SORBS3: variants seen among roughly 807,000 people sequenced by gnomAD.
SORBS3 encodes the protein sorbin and SH3 domain containing 3, also known as vinexin.
In SORBS3, 69 loss-of-function variants were observed where a neutral mutation model predicts 98.0. The observed-to-expected ratio is 0.70, with a 90% confidence interval of 0.58 to 0.86. The LOEUF (loss-of-function observed/expected upper bound fraction) is 0.86, where lower values mean the gene tolerates loss of function less well. SORBS3 is among the 40% of genes least tolerant of loss of function. The pLI, the probability that SORBS3 is intolerant of heterozygous loss-of-function variation, is 0.00. For missense variants in SORBS3, 954 were observed against 908.5 expected, an observed-to-expected ratio of 1.05 and a Z score of -0.64; for synonymous variants, 394 against 355.4, an observed-to-expected ratio of 1.11 and a Z score of -1.22.
At position 22,571,111 on chromosome 8, in the gene SORBS3, T is replaced by C; in HGVS notation, c.1633T>C (p.Ser545Pro). Residue 545 changes from serine (S) to proline (P), a missense_variant, in exon 18 of 21, where the codon TCC becomes CCC. Coordinates refer to ENST00000240123, the MANE Select transcript of SORBS3 (RefSeq NM_005775.5). ...CGCCCGCTCAGCCCGTCACCCCAGC[T>C]CCCCCTCAGCCCTGCGCAGCCCAGC... ...AAARSARHPS[S>P]PSALRSPADP... The C allele has an allele frequency of 1.2e-6, 2 of 1,604,494 alleles. No individual in the cohort carries two copies.
At position 22,566,109 on chromosome 8, in the gene SORBS3, C is replaced by A. The variant is rs529257504; in HGVS notation, c.951-236C>A. 5.4e-4 allele frequency: 314 copies of A among 578,934 alleles called. 3 individuals are homozygous for A. In the South Asian group the frequency reaches 5.6e-3, roughly 10 times the overall value. 35.9% of individuals were successfully genotyped at this position (578,934 alleles called of 1,614,324 possible). A position where few individuals can be genotyped will look rare whatever the true frequency, so the allele number is the denominator to read the frequency against. The stretch of plus-strand genomic sequence containing the variant: ...GGGGTCGCGGCCGCCGGGGGCGCAG[C>A]GCGGTTAGGGCGGCCCCGCCACGGC... On this transcript the variant is annotated intron_variant, in intron 12 of 20. Transcript: ENST00000240123.
At position 22,554,110 on chromosome 8, in the gene SORBS3, G is replaced by C. The variant is rs373632222; in HGVS notation, c.-55-342G>C. The C allele has an allele frequency of 5.8e-6, 1 of 173,256 alleles. No homozygotes were observed. Among genetic ancestry groups the C allele is most frequent in the Admixed American group, 5.8e-5 (1 of 17,360 alleles). 10.7% of individuals were successfully genotyped at this position (173,256 alleles called of 1,614,324 possible). ...CCCACTTCCCCTGCGCCTTCCCTCCGGGGGAGTGGGGAAGCCAGCTGCACC... is the reference window on the plus strand; with the variant it reads ...CCCACTTCCCCTGCGCCTTCCCTCCCGGGGAGTGGGGAAGCCAGCTGCACC... On this transcript the variant is annotated intron_variant, in intron 1 of 20. Coordinates refer to ENST00000240123, the MANE Select transcript of SORBS3 (RefSeq NM_005775.5). The surrounding 1 kb of genome is among the most constrained non-coding windows in gnomAD (Gnocchi z 6.5).
rs1350156285 is a variant in SORBS3, at chr8:22,554,569, C to T, written c.63C>T (p.His21=). ...GLSLDDFIPG[H]LQSHIGSSSR... ...GCCTGGACGACTTCATCCCTGGCCA[C>T]CTCCAGTCCCACATAGGGTCTTCCT... The change falls in exon 2 of 21, where the codon CAC becomes CAT. Residue 21 remains histidine, a synonymous_variant. Coordinates refer to ENST00000240123, the MANE Select transcript of SORBS3 (RefSeq NM_005775.5). This position sits in a 1 kb window ranked among gnomAD's most constrained non-coding sequence, Gnocchi z 6.5. The T allele has an allele frequency of 6.2e-7, 1 of 1,613,004 alleles. No individual in the cohort carries two copies. The highest frequency in any genetic ancestry group is 2.2e-5 in the East Asian group (1 of 44,884).
intron 11 of SORBS3, 23 bp from the exon 12 acceptor site, chr8:22,565,803 G>T: frequency 7.6e-7 from 1 of 1,317,646 alleles, no homozygotes; most frequent in Non-Finnish European, 9.7e-7. Flanking sequence ...CGCGGGCCCT[G>T]ATTGCGCCGT....
intron 8 of SORBS3, 22 bp from the exon 9 acceptor site, chr8:22,564,261 A>G: frequency 1.3e-6 from 2 of 1,568,536 alleles, no homozygotes; most frequent in South Asian, 2.3e-5. Context: ...TCACAAGCTG[A>G]CACCCACCCA....
chr8:22,550,109 G>T (rs939150323), upstream of SORBS3: 13 of 720,592 alleles, frequency 1.8e-5, no homozygotes, highest in Non-Finnish European at 2.2e-5. Flanking sequence ...ATCCCTGAGG[G>T]AGGGAAGAGG....
chr8:22,565,100 C>A, intron 10 of SORBS3, 168 bp from the exon 11 acceptor site: 1 of 1,448,328 alleles, frequency 6.9e-7, no homozygotes, highest in Non-Finnish European at 9.1e-7. Flanking sequence ...GGGATGCCCT[C>A]TTGGCACCCT....
Position 22,564,341 on chromosome 8 carries a change from T to C in SORBS3, c.734T>C (p.Phe245Ser). 6.2e-7 allele frequency: 1 copy of C among 1,613,960 alleles called. No homozygotes were observed. The highest frequency in any genetic ancestry group is 8.5e-7 in the Non-Finnish European group (1 of 1,179,926). The change falls in exon 9 of 21, where the codon TTT (phenylalanine) becomes TCT (serine). Residue 245 changes from phenylalanine to serine, a missense_variant. By Grantham distance (155) the Phe-to-Ser change is radical (BLOSUM62 -2). Coordinates refer to ENST00000240123, the MANE Select transcript of SORBS3 (RefSeq NM_005775.5). The part of the protein sequence containing the change: ...NVWTEESWNQ[F>S]LQELETGQRP... Reference sequence around the variant, plus strand: ...TGGACGGAAGAGTCCTGGAACCAGTTTCTGCAGGAACTAGAGACTGGGCAG... The same window carrying C: ...TGGACGGAAGAGTCCTGGAACCAGTCTCTGCAGGAACTAGAGACTGGGCAG...
rs931512927 is a variant in SORBS3, at chr8:22,565,845, G to A, written c.923G>A (p.Arg308Gln). 11 of 1,291,990 alleles carry A rather than the reference G, an allele frequency of 8.5e-6. No individual in the cohort carries two copies. In the East Asian group the frequency reaches 1.9e-4, roughly 23 times the overall value. 80.0% of individuals were successfully genotyped at this position (1,291,990 alleles called of 1,614,324 possible). The change falls in exon 12 of 21, where the codon CGG (arginine) becomes CAG (glutamine). Residue 308 changes from arginine (R) to glutamine (Q), a missense_variant. Transcript: ENST00000240123. ...GCGCAGAGCTCGCCGGCGCCCCGAC[G>A]GGCCCCGGAGCAGCGGCCCCCGGCC... is the stretch of plus-strand genomic sequence containing the variant. ...PSPKSSPAPRRAPEQRPPAGP... is the reference protein window; with the variant it reads ...PSPKSSPAPRQAPEQRPPAGP...
intron 12 of SORBS3, 119 bp from the exon 13 acceptor site, chr8:22,566,226 G>C (rs1245693689): frequency 1.5e-6 from 2 of 1,337,032 alleles, no homozygotes; most frequent in Admixed American, 2.4e-5. Flanking sequence ...CAGGACCCGG[G>C]AGACGCCCTG....
At position 22,554,797 on chromosome 8, in the gene SORBS3, C is replaced by A; in HGVS notation, c.103-66C>A. The A allele has an allele frequency of 6.8e-7, 1 of 1,479,018 alleles. No individual in the cohort carries two copies. The allele number at this position is 1,479,018 out of a possible 1,614,324, so 91.6% of individuals were successfully genotyped here. Reference sequence around the variant, plus strand: ...TGTCACCGAGGGGTGTGGGCTGTGCCTAGTAGCCATCCCTCCCTCCCGCCC... The same window carrying A: ...TGTCACCGAGGGGTGTGGGCTGTGCATAGTAGCCATCCCTCCCTCCCGCCC... On this transcript the variant is annotated intron_variant, in intron 2 of 20. Transcript: ENST00000240123. The surrounding 1 kb of genome is among the most constrained non-coding windows in gnomAD (Gnocchi z 6.5).
chr8:22,563,638 G>T (rs929512284), intron 7 of SORBS3, among the ~76,000 whole-genome samples: 1 of 152,210 alleles, frequency 6.6e-6, no homozygotes, highest in Non-Finnish European at 1.5e-5. Context: ...AGGCCCACAG[G>T]AGAGGGTCGG....
intron 18 of SORBS3, 85 bp from the exon 19 acceptor site, chr8:22,571,633 G>C (rs192148148): frequency 5.4e-5 from 54 of 991,250 alleles, no homozygotes; most frequent in Non-Finnish European, 8.2e-5. Flanking sequence ...GACTGGGAAC[G>C]CCCATTTTGG....
At chr8:22,552,389 C>A (rs1840099144) in intron 1 of SORBS3, among the ~76,000 whole-genome samples, 1 of 152,212 alleles carries the variant, frequency 6.6e-6, no homozygotes, top group African/African-American at 2.4e-5. Context: ...TCTGGGAGGA[C>A]CCCTCCGCTC....
At chr8:22,568,259 G>A (rs56706621) in intron 16 of SORBS3, among the ~76,000 whole-genome samples, 4,881 of 152,018 alleles carry the variant, frequency 0.032, 268 homozygotes, top group African/African-American at 0.11. Flanking sequence ...TTTTTCTCTC[G>A]TTTTTGTTTT....
In SORBS3 at chr8:22,571,231, C is replaced by A. The variant is rs143018122; in HGVS notation, c.1743+10C>A. ...TAGACCCCAGACCCAGGTGAGGTAG[C>A]CTGCCTCCACCAGAGAGTCGACCTC... On this transcript the variant is annotated intron_variant, in intron 18 of 20. Coordinates refer to ENST00000240123, the MANE Select transcript of SORBS3 (RefSeq NM_005775.5). The A allele has an allele frequency of 2.0e-6, 3 of 1,513,360 alleles. No homozygotes were observed. The highest frequency in any genetic ancestry group is 2.7e-6 in the Non-Finnish European group (3 of 1,130,296). 93.7% of individuals were successfully genotyped at this position (1,513,360 alleles called of 1,614,324 possible). A position where few individuals can be genotyped will look rare whatever the true frequency, so the allele number is the denominator to read the frequency against.
chr8:22,564,704 A>ATGTG (rs2117258480), intron 10 of SORBS3, 183 bp downstream of exon 10: 1 of 1,398,686 alleles, frequency 7.1e-7, no homozygotes, highest in Non-Finnish European at 9.4e-7. Flanking sequence ...CTCAGTAAAC[A>ATGTG]TGTGTTAAAT....
intron 5 of SORBS3, chr8:22,561,058 G>GA (rs1221508437): frequency 2.5e-6 from 1 of 405,842 alleles, no homozygotes; most frequent in Non-Finnish European, 4.4e-6. Context: ...AAGGTCAGGA[G>GA]AGGGTGTGTG....
At chr8:22,545,105 C>T (rs1005623348) in exon 1 of SORBS3, 1 of 152,248 alleles carries the variant, frequency 6.6e-6, no homozygotes, top group Non-Finnish European at 1.5e-5. Context: ...ACCGGGTCCA[C>T]ATCTTTTCTG....
Sources: allele counts gnomAD v4.1 joint callset (sites outside exome capture counted in the v4.1 genomes callset), GRCh38; gene constraint gnomAD v4.1.1; non-coding constraint Gnocchi (gnomAD v3.1); transcripts MANE v1.5; gene names NCBI Gene and HGNC (gene_info 2026-07-23, HGNC 2026-07-21).